GAREM1: variants seen among roughly 807,000 people sequenced by gnomAD.
GAREM1 encodes GRB2-associated and regulator of MAPK protein 1.
GAREM1 carries 26 observed loss-of-function variants against 71.3 expected under a neutral mutation model. The observed-to-expected ratio is 0.36, with a 90% CI of 0.27 to 0.51. GAREM1 has a LOEUF of 0.51. GAREM1 is among the 20% of genes least tolerant of loss of function. GAREM1 has a pLI of 0.95. For missense variants in GAREM1, 1,026 were observed against 1,103.1 expected (o/e 0.93, Z 0.99); for synonymous variants, 440 against 433.2 (o/e 1.02, Z -0.20).
chr18:32,403,510 C>G (rs539456545), intron 1 of GAREM1, among the ~76,000 whole-genome samples: 3 of 152,270 alleles, frequency 2.0e-5, no homozygotes, highest in African/African-American at 7.2e-5. Context: ...TCTCTCAACC[C>G]TTATTTACCC....
chr18:32,417,165 A>T (rs1323884951), intron 1 of GAREM1, among the ~76,000 whole-genome samples: 1 of 152,220 alleles, frequency 6.6e-6, no homozygotes, highest in East Asian at 1.9e-4. Flanking sequence ...CAAAACTACA[A>T]TGAAATATCA....
intron 4 of GAREM1, among the ~76,000 whole-genome samples, chr18:32,283,009 T>G (rs1229382708): frequency 6.6e-6 from 1 of 152,188 alleles, no homozygotes; most frequent in East Asian, 1.9e-4. Flanking sequence ...TCAATAAGGA[T>G]AATCCACTTA....
At chr18:32,272,917 G>A (rs752672225) in intron 4 of GAREM1, among the ~76,000 whole-genome samples, 12 of 152,230 alleles carry the variant, frequency 7.9e-5, no homozygotes, top group Non-Finnish European at 1.3e-4. Context: ...CAACCAGGAT[G>A]CCGGAGCTCA....
At chr18:32,314,150 A>C (rs2047353206) in intron 2 of GAREM1, among the ~76,000 whole-genome samples, 2 of 151,862 alleles carry the variant, frequency 1.3e-5, no homozygotes, top group African/African-American at 4.8e-5. Flanking sequence ...AAATTCTATC[A>C]CAAGTTAAAC....
intron 1 of GAREM1, chr18:32,412,653 C>G (rs1823323094): frequency 1.4e-6 from 2 of 1,450,648 alleles, no homozygotes; most frequent in African/African-American, 1.4e-5. Flanking sequence ...TCTAACTTCA[C>G]AGTTGTGGCC....
chr18:32,280,813 C>A (rs1444364344), intron 4 of GAREM1, among the ~76,000 whole-genome samples: 2 of 152,174 alleles, frequency 1.3e-5, no homozygotes, highest in Admixed American at 1.3e-4. Context: ...GGGAGGCTGA[C>A]TGACCCCCGT....
chr18:32,348,656 A>T (rs1216587090), intron 2 of GAREM1, among the ~76,000 whole-genome samples: 1 of 152,154 alleles, frequency 6.6e-6, no homozygotes, highest in African/African-American at 2.4e-5. Flanking sequence ...CCTGGGAGGC[A>T]GACGTTTCAG....
Position 32,354,193 on chromosome 18 carries a change from G to A in GAREM1, c.262+38702C>T, listed in dbSNP as rs143238774. Among the ~76,000 whole-genome samples, 50 of 152,212 alleles carry A rather than the reference G, an allele frequency of 3.3e-4. No homozygotes were observed. In the East Asian group the frequency reaches 8.7e-3, roughly 26 times the overall value. ...TTATATCATACGCAAAACAAAATTA[G>A]GAAAGGATTATGTGAAAGAAGTTCA... On this transcript the variant is annotated intron_variant, in intron 2 of 5. Coordinates refer to ENST00000269209, the MANE Select transcript of GAREM1 (RefSeq NM_001242409.2).
In GAREM1 at chr18:32,284,260, G is replaced by A. The variant is rs142540459; in HGVS notation, c.1566+2771C>T. On this transcript the variant is annotated intron_variant, in intron 4 of 5. Coordinates refer to ENST00000269209, the MANE Select transcript of GAREM1 (RefSeq NM_001242409.2). The stretch of plus-strand genomic sequence containing the variant: ...AAAAAAACAAATTAAATGATTTCAG[G>A]TGTTTATAAAAAATCTTTAGGTTTA... 3.6e-3 allele frequency among the ~76,000 whole-genome samples: 543 copies of A among 152,176 alleles called. 2 individuals are homozygous for A. The highest frequency in any genetic ancestry group is 0.013 in the African/African-American group (526 of 41,522).
chr18:32,298,812 A>T (rs1338021440), intron 3 of GAREM1, among the ~76,000 whole-genome samples: 1 of 152,206 alleles, frequency 6.6e-6, no homozygotes, highest in African/African-American at 2.4e-5. Context: ...TATATAGACA[A>T]TATTTGATTA....
intron 1 of GAREM1, among the ~76,000 whole-genome samples, chr18:32,418,199 C>T (rs1426828435): frequency 2.0e-5 from 3 of 152,124 alleles, no homozygotes; most frequent in Non-Finnish European, 4.4e-5. Context: ...AGAATAATCA[C>T]ATACATATAA....
intron 2 of GAREM1, among the ~76,000 whole-genome samples, chr18:32,372,648 G>A (rs1050689641): frequency 6.6e-6 from 1 of 152,188 alleles, no homozygotes; most frequent in Non-Finnish European, 1.5e-5. Context: ...TCTGCTTCAT[G>A]ACCATGGAAA....
chr18:32,285,465 C>T (rs111565159), intron 4 of GAREM1, among the ~76,000 whole-genome samples: 2 of 152,228 alleles, frequency 1.3e-5, no homozygotes, highest in African/African-American at 2.4e-5. Context: ...CCCCACAGAA[C>T]TTCTTGTTTT....
At chr18:32,364,021 TATATATG>T (rs1473817310) in intron 2 of GAREM1, among the ~76,000 whole-genome samples, 9 of 71,854 alleles carry the variant, frequency 1.3e-4, no homozygotes, top group African/African-American at 6.3e-4. Flanking sequence ...TATATATATA[TATATATG>T]TTTTTTTTTT....
rs1234517795 is a variant in GAREM1 at position 32,287,129 on chromosome 18, C to T, written c.1468G>A (p.Ala490Thr). The stretch of plus-strand genomic sequence containing the variant: ...CCAGGGATGGGAAGAGGAGAAGTCG[C>T]ACATTTGGATCGGACAGAACCTCTA... ...QFRGSVRSKC[A>T]TSPLPIPGTL... is the part of the protein sequence containing the mutation. Residue 490 changes from alanine to threonine, a missense_variant, in exon 4 of 6, where the codon GCG becomes ACG. By Grantham distance (58) the Ala-to-Thr change is moderately conservative. This residue lies in a region of GAREM1 where 636 missense variants were observed against 631.2 expected (regional missense o/e 1.01). Coordinates refer to ENST00000269209, the MANE Select transcript of GAREM1 (RefSeq NM_001242409.2). The surrounding 1 kb of genome is among the most constrained non-coding windows in gnomAD (Gnocchi z 5.9). 2 of 1,614,106 alleles carry T rather than the reference C, an allele frequency of 1.2e-6. No individual in the cohort carries two copies. The highest frequency in any genetic ancestry group is 3.3e-5 in the Admixed American group (2 of 60,008).
At chr18:32,354,250 A>G (rs2047783641) in intron 2 of GAREM1, among the ~76,000 whole-genome samples, 1 of 152,230 alleles carries the variant, frequency 6.6e-6, no homozygotes, top group Admixed American at 6.5e-5. Context: ...AACATTAATA[A>G]TAACTTAGTT....
chr18:32,436,130 G>A (rs1336043835), intron 1 of GAREM1, among the ~76,000 whole-genome samples: 1 of 152,144 alleles, frequency 6.6e-6, no homozygotes, highest in Non-Finnish European at 1.5e-5. Context: ...GATGGTATAC[G>A]GTAGAACTGA....
At position 32,270,337 on chromosome 18, in the gene GAREM1, C is replaced by T. The variant is rs748897383; in HGVS notation, c.1613G>A (p.Arg538Gln). ...RLLNAPPVPP[R>Q]SAKPLSTSPS... ...ACTGGTGGACAAAGGCTTTGCGCTT[C>T]GGGGTGGAACAGGTGGGGCGTTCAG... The change falls in exon 5 of 6, where the codon CGA (arginine) becomes CAA (glutamine). Residue 538 changes from arginine (R) to glutamine (Q), a missense_variant. Transcript: ENST00000269209. 1.2e-6 allele frequency: 2 copies of T among 1,613,916 alleles called. No individual in the cohort carries two copies. Among genetic ancestry groups the T allele is most frequent in the East Asian group, 2.2e-5 (1 of 44,864 alleles).
At chr18:32,292,222 T>C (rs1256685923) in intron 3 of GAREM1, among the ~76,000 whole-genome samples, 1 of 152,224 alleles carries the variant, frequency 6.6e-6, no homozygotes, top group African/African-American at 2.4e-5. Flanking sequence ...TGGTTTTGAT[T>C]TGCATTTCTC....
Sources: allele counts gnomAD v4.1 joint callset (sites outside exome capture counted in the v4.1 genomes callset), GRCh38; gene constraint gnomAD v4.1.1; regional missense constraint gnomAD v4.1.1; non-coding constraint Gnocchi (gnomAD v3.1); transcripts MANE v1.5; gene names NCBI Gene and HGNC (gene_info 2026-07-23, HGNC 2026-07-21).